Variants in STX8 observed in about 807,000 individuals in gnomAD.
The protein encoded by STX8 is syntaxin 8.
In STX8, 23 loss-of-function variants were observed where a neutral mutation model predicts 37.5. The ratio of observed to expected loss-of-function variants is 0.61; its 90% CI spans 0.44 to 0.87. The LOEUF is 0.87. STX8 is among the 40% of genes least tolerant of loss of function. The pLI is 0.00. For synonymous variants in STX8, 115 were observed against 99.1 expected (o/e 1.16, Z -0.95); for missense variants, 313 against 284.7 (o/e 1.10, Z -0.71).
At chr17:9,460,596 C>T (rs759887976) in intron 6 of STX8, among the ~76,000 whole-genome samples, 20 of 147,818 alleles carry the variant, frequency 1.4e-4, no homozygotes, top group Non-Finnish European at 2.7e-4. Context: ...TAGCTTGAAC[C>T]CGGGAGGTGG....
At chr17:9,513,248 C>T (rs1308935602) in intron 4 of STX8, among the ~76,000 whole-genome samples, 1 of 149,072 alleles carries the variant, frequency 6.7e-6, no homozygotes, top group Non-Finnish European at 1.5e-5. Flanking sequence ...CACCTATAGT[C>T]CCAGCTACTC....
chr17:9,451,299 C>T (rs1479603751), intron 6 of STX8, among the ~76,000 whole-genome samples: 2 of 152,084 alleles, frequency 1.3e-5, no homozygotes, highest in South Asian at 4.1e-4. Flanking sequence ...AATGCCATTT[C>T]GTCTCATCTT....
chr17:9,293,142 A>G (rs1316789497), intron 7 of STX8, among the ~76,000 whole-genome samples: 1 of 152,244 alleles, frequency 6.6e-6, no homozygotes, highest in Admixed American at 6.5e-5. Context: ...AAGAAAAATA[A>G]TAATGAATAG....
chr17:9,531,750 A>G (rs1479887689), intron 4 of STX8, among the ~76,000 whole-genome samples: 4 of 151,956 alleles, frequency 2.6e-5, no homozygotes, highest in African/African-American at 9.7e-5. Flanking sequence ...AATTTCCCTA[A>G]ATAATGTTTT....
chr17:9,441,731 A>T (rs911277673), intron 6 of STX8, among the ~76,000 whole-genome samples: 1 of 129,530 alleles, frequency 7.7e-6, no homozygotes, highest in African/African-American at 2.9e-5. Flanking sequence ...GCTGGAGTGC[A>T]GTGGCGCGAT....
intron 7 of STX8, among the ~76,000 whole-genome samples, chr17:9,362,326 A>T (rs1424631057): frequency 5.9e-5 from 9 of 152,174 alleles, no homozygotes; most frequent in Admixed American, 5.9e-4. Context: ...CTCTGTCTCA[A>T]CAAACAAACA....
intron 7 of STX8, among the ~76,000 whole-genome samples, chr17:9,354,602 G>C (rs954203699): frequency 6.6e-5 from 10 of 151,332 alleles, no homozygotes; most frequent in Non-Finnish European, 1.5e-4. Flanking sequence ...TTACAGGCAG[G>C]AGCCACCGTG....
rs1289468681 is a variant in STX8 at position 9,545,159 on chromosome 17, A to T, written c.323+13T>A. ...CGCCCACCAAGTAATCCCTGTAAAT[A>T]AAAACATCCTACCTGATTAGATCTG... On this transcript the variant is annotated intron_variant, in intron 4 of 7. Transcript: ENST00000306357. 2 of 1,594,350 alleles carry T rather than the reference A, an allele frequency of 1.3e-6. No individual in the cohort carries two copies. Among genetic ancestry groups the T allele is most frequent in the East Asian group, 4.5e-5 (2 of 44,780 alleles).
chr17:9,517,579 T>C lies in STX8; in HGVS notation c.324-12417A>G, dbSNP rs547653051. 8.5e-5 allele frequency among the ~76,000 whole-genome samples: 13 copies of C among 152,238 alleles called. 1 individual carries two copies. In the East Asian group the frequency reaches 1.4e-3, roughly 16 times the overall value. ...AGTGGCTTCCTCAGGGCCACCCACC[T>C]AGTGGCAGAGCTAAGGGTTCAGCCC... On this transcript the variant is annotated intron_variant, in intron 4 of 7. Transcript: ENST00000306357.
At chr17:9,518,671 A>G (rs1905227136) in intron 4 of STX8, among the ~76,000 whole-genome samples, 1 of 152,102 alleles carries the variant, frequency 6.6e-6, no homozygotes, top group Non-Finnish European at 1.5e-5. Flanking sequence ...GTTCAAGACC[A>G]GCCTGGCCAA....
chr17:9,401,131 T>C (rs1448005716), intron 6 of STX8, among the ~76,000 whole-genome samples: 2 of 152,230 alleles, frequency 1.3e-5, no homozygotes, highest in Non-Finnish European at 2.9e-5. Flanking sequence ...GCCCCTGCTA[T>C]TGAATATTTA....
At chr17:9,393,991 T>C (rs1445428754) in intron 6 of STX8, among the ~76,000 whole-genome samples, 2 of 151,992 alleles carry the variant, frequency 1.3e-5, no homozygotes, top group Admixed American at 6.6e-5. Context: ...ATTTAAGAAT[T>C]AAAATTTAAA....
At chr17:9,325,430 G>A (rs1379753454) in intron 7 of STX8, among the ~76,000 whole-genome samples, 2 of 152,156 alleles carry the variant, frequency 1.3e-5, no homozygotes, top group African/African-American at 4.8e-5. Flanking sequence ...CTATGGACTT[G>A]TGGCCCTGTT....
rs1031672635 is a variant in STX8, at chr17:9,321,721, T to C, written c.643+56831A>G. Among the ~76,000 whole-genome samples, 6 of 152,100 alleles carry C rather than the reference T, an allele frequency of 3.9e-5. No homozygotes were observed. In the Middle Eastern group the frequency reaches 0.01, roughly 259 times the overall value. On this transcript the variant is annotated intron_variant, in intron 7 of 7. Coordinates refer to ENST00000306357, the MANE Select transcript of STX8 (RefSeq NM_004853.3). ...CTTTAGTAGAGACGGGGTTTCACCATGTTGGCCAGGCTGTTCTCAAACTCC... is the reference window on the plus strand; with the variant it reads ...CTTTAGTAGAGACGGGGTTTCACCACGTTGGCCAGGCTGTTCTCAAACTCC...
intron 6 of STX8, among the ~76,000 whole-genome samples, chr17:9,380,723 T>TC (rs1911778187): frequency 6.7e-6 from 1 of 148,178 alleles, no homozygotes; most frequent in Non-Finnish European, 1.5e-5. Context: ...TTTTTTTTTT[T>TC]TTTTTTTTAG....
chr17:9,562,194 G>A (rs1049237963), intron 2 of STX8, among the ~76,000 whole-genome samples: 7 of 152,008 alleles, frequency 4.6e-5, no homozygotes, highest in South Asian at 2.1e-4. Flanking sequence ...ACAAGGTCAG[G>A]AGATCGAGAT....
intron 6 of STX8, chr17:9,437,986 C>A (rs1396447409): frequency 6.6e-6 from 1 of 152,086 alleles, no homozygotes; most frequent in African/African-American, 2.4e-5. Context: ...TGGGCTCATG[C>A]CTGTAATCCC....
At chr17:9,460,619 G>T (rs1597686928) in intron 6 of STX8, among the ~76,000 whole-genome samples, 1 of 146,508 alleles carries the variant, frequency 6.8e-6, no homozygotes, top group South Asian at 2.1e-4. Flanking sequence ...GTTGCAGTGA[G>T]CCGAGATCGT....
chr17:9,310,462 C>T (rs901201886), intron 7 of STX8, among the ~76,000 whole-genome samples: 1 of 152,166 alleles, frequency 6.6e-6, no homozygotes, highest in African/African-American at 2.4e-5. Flanking sequence ...AGTCTTGCCC[C>T]CACCTGTCTG....
Sources: gnomAD v4.1 joint callset for allele counts (sites outside exome capture counted in the v4.1 genomes callset) on GRCh38, gnomAD v4.1.1 for gene constraint, MANE v1.5 for transcripts, NCBI Gene and HGNC (gene_info 2026-07-23, HGNC 2026-07-21) for gene names.